The following MAP2 variants were observed in gnomAD, a reference collection of about 807,000 sequenced individuals.
The protein encoded by MAP2 is microtubule associated protein 2.
MAP2 carries 14 observed loss-of-function variants against 137.6 expected under a neutral mutation model. The ratio of observed to expected loss-of-function variants is 0.10; its 90% confidence interval spans 0.07 to 0.16. The LOEUF is 0.16. Ranked by LOEUF, MAP2 falls within the 10% of genes least tolerant of loss-of-function variation. The pLI is 1.00. For synonymous variants in MAP2, 786 were observed against 782.3 expected (o/e 1.00, Z -0.08); for missense variants, 2,088 against 2,191.5 (o/e 0.95, Z 0.94).
rs911065664 is a variant in MAP2 at position 209,730,224 on chromosome 2, C to T, written c.5311C>T (p.Arg1771Cys). The T allele has an allele frequency of 9.3e-6, 15 of 1,613,866 alleles. No individual in the cohort carries two copies. The highest frequency in any genetic ancestry group is 1.3e-5 in the African/African-American group (1 of 74,884). ...GAACTTCAGAGAGCATGCTAAAGCC[C>T]GTGTGGACCATGGGGCTGAGATCAT... ...KLNFREHAKA[R>C]VDHGAEIITQ... Residue 1771 changes from arginine (R) to cysteine (C), a missense_variant, in exon 16 of 16, where the codon CGT becomes TGT. Physicochemically the swap from Arg to Cys is radical, Grantham distance 180. Transcript: ENST00000682079.
chr2:209,512,894 G>T (rs952244373), intron 2 of MAP2, among the ~76,000 whole-genome samples: 14 of 152,060 alleles, frequency 9.2e-5, no homozygotes, highest in Admixed American at 3.3e-4. Context: ...TGACCCTCCT[G>T]CCTTGGCTTT....
chr2:209,684,272 G>A (rs897158262), intron 7 of MAP2, among the ~76,000 whole-genome samples: 5 of 152,176 alleles, frequency 3.3e-5, no homozygotes, highest in African/African-American at 1.2e-4. Flanking sequence ...CTAGGGTGGT[G>A]TTTTCCTGTG....
intron 1 of MAP2, among the ~76,000 whole-genome samples, chr2:209,466,449 T>C (rs1335920843): frequency 6.6e-6 from 1 of 152,186 alleles, no homozygotes; most frequent in African/African-American, 2.4e-5. Context: ...AGTAGTATCT[T>C]CTTTATCAGG....
At chr2:209,543,135 G>A (rs1466607769) in intron 2 of MAP2, among the ~76,000 whole-genome samples, 2 of 152,024 alleles carry the variant, frequency 1.3e-5, no homozygotes, top group South Asian at 4.1e-4. Context: ...TTATAAATTG[G>A]CTTAATTAAA....
chr2:209,565,943 AT>A (rs2073310817), intron 2 of MAP2, among the ~76,000 whole-genome samples: 1 of 152,202 alleles, frequency 6.6e-6, no homozygotes, highest in Admixed American at 6.5e-5. Context: ...CTAAGCAAAG[AT>A]TTTTTTAATA....
intron 1 of MAP2, among the ~76,000 whole-genome samples, chr2:209,479,320 T>C (rs1183023548): frequency 1.3e-5 from 2 of 152,170 alleles, no homozygotes; most frequent in Non-Finnish European, 2.9e-5. Flanking sequence ...AGGAACCTGC[T>C]GAAATATTAA....
chr2:209,730,515 CA>C lies in MAP2; in HGVS notation c.*121del, dbSNP rs2075643904. The C allele has an allele frequency of 4.3e-6, 3 of 700,254 alleles. No individual in the cohort carries two copies. 43.4% of individuals were successfully genotyped at this position (700,254 alleles called of 1,614,324 possible). A position where few individuals can be genotyped will look rare whatever the true frequency, so the allele number is the denominator to read the frequency against. ...ACCATAAAATAAATAATCTCATCCC[CA>C]AACTGTAGTAATTGTTACAATTTTC... On this transcript the variant is annotated 3_prime_UTR_variant, in exon 16 of 16. Coordinates refer to ENST00000682079, the MANE Select transcript of MAP2 (RefSeq NM_001375505.1).
intron 5 of MAP2, among the ~76,000 whole-genome samples, chr2:209,655,065 A>C (rs2095057613): frequency 6.6e-6 from 1 of 152,182 alleles, no homozygotes; most frequent in Admixed American, 6.5e-5. Context: ...CAGTGGTCTT[A>C]AGTATTTGAG....
intron 5 of MAP2, among the ~76,000 whole-genome samples, chr2:209,656,518 A>C (rs986000252): frequency 3.9e-5 from 6 of 152,004 alleles, no homozygotes; most frequent in Non-Finnish European, 7.4e-5. Context: ...TCAAAAAAAA[A>C]ATAATAATAA....
chr2:209,450,527 G>C (rs1700080106), intron 1 of MAP2, among the ~76,000 whole-genome samples: 1 of 152,160 alleles, frequency 6.6e-6, no homozygotes, highest in Non-Finnish European at 1.5e-5. Context: ...CTACACTTCA[G>C]TATAAATCAC....
chr2:209,493,566 A>G (rs2059390584), intron 1 of MAP2, among the ~76,000 whole-genome samples: 2 of 152,364 alleles, frequency 1.3e-5, no homozygotes, highest in African/African-American at 2.4e-5. Flanking sequence ...TCCAGAGTCT[A>G]CAAGGAACTT....
intron 2 of MAP2, among the ~76,000 whole-genome samples, chr2:209,539,929 C>G (rs2066616210): frequency 7.8e-6 from 1 of 128,958 alleles, no homozygotes; most frequent in Admixed American, 7.5e-5. Flanking sequence ...GAGACCCCAT[C>G]TCACGAAAAA....
At chr2:209,559,950 T>G (rs1157077261) in intron 2 of MAP2, among the ~76,000 whole-genome samples, 1 of 152,220 alleles carries the variant, frequency 6.6e-6, no homozygotes, top group East Asian at 1.9e-4. Flanking sequence ...AAATATAAAA[T>G]GCTATATTAT....
intron 1 of MAP2, among the ~76,000 whole-genome samples, chr2:209,473,626 CAG>C (rs1553550059): frequency 2.6e-5 from 4 of 151,848 alleles, no homozygotes; most frequent in South Asian, 2.1e-4. Flanking sequence ...AAAGATAAAA[CAG>C]AGATGTATAG....
At chr2:209,548,601 G>A (rs1275133702) in intron 2 of MAP2, among the ~76,000 whole-genome samples, 11 of 152,088 alleles carry the variant, frequency 7.2e-5, no homozygotes, top group Non-Finnish European at 1.0e-4. Flanking sequence ...TAAGTGCCTG[G>A]TACAGTTTGG....
At chr2:209,724,827 C>A (rs1053552806) in intron 13 of MAP2, among the ~76,000 whole-genome samples, 1 of 152,218 alleles carries the variant, frequency 6.6e-6, no homozygotes, top group African/African-American at 2.4e-5. Flanking sequence ...ATAAAAGGAG[C>A]CCCAGTCCTG....
chr2:209,596,526 C>A (rs1010045704), intron 3 of MAP2, among the ~76,000 whole-genome samples: 3 of 152,070 alleles, frequency 2.0e-5, no homozygotes, highest in African/African-American at 7.2e-5. Context: ...AAATTCAAGG[C>A]CTTATGCAAA....
At chr2:209,708,509 G>A (rs2064225250) in intron 12 of MAP2, among the ~76,000 whole-genome samples, 1 of 152,088 alleles carries the variant, frequency 6.6e-6, no homozygotes, top group African/African-American at 2.4e-5. Flanking sequence ...ATTTTCCATA[G>A]ATTACAATTG....
At position 209,528,838 on chromosome 2, in the gene MAP2, G is replaced by GTA. The variant is rs534039244; in HGVS notation, c.-172+21205_-172+21206dup. 2.0e-3 allele frequency among the ~76,000 whole-genome samples: 288 copies of GTA among 145,114 alleles called. 2 individuals are homozygous for GTA. Among genetic ancestry groups the GTA allele is most frequent in the African/African-American group, 6.5e-3 (256 of 39,248 alleles). ...TATATATGTATATGTACATATGTATGTATATATATGTGTGTGTGTATATGT... is the reference window on the plus strand; with the variant it reads ...TATATATGTATATGTACATATGTATGTATATATATATGTGTGTGTGTATATGT... On this transcript the variant is annotated intron_variant, in intron 2 of 15. Coordinates refer to ENST00000682079, the MANE Select transcript of MAP2 (RefSeq NM_001375505.1).
Sources: gnomAD v4.1 joint callset for allele counts (sites outside exome capture counted in the v4.1 genomes callset) on GRCh38, gnomAD v4.1.1 for gene constraint, MANE v1.5 for transcripts, NCBI Gene and HGNC (gene_info 2026-07-23, HGNC 2026-07-21) for gene names.